Variants in TDRD1 observed in about 807,000 individuals in gnomAD.
TDRD1 encodes the protein tudor domain-containing protein 1.
TDRD1 carries 37 observed loss-of-function variants against 140.6 expected under a neutral mutation model. The ratio of observed to expected loss-of-function variants is 0.26; its 90% CI spans 0.20 to 0.35. The LOEUF (loss-of-function observed/expected upper bound fraction) is 0.35, where lower values mean the gene tolerates loss of function less well. TDRD1 is among the 10% of genes least tolerant of loss of function. The pLI, the probability that TDRD1 is intolerant of heterozygous loss-of-function variation, is 1.00. For missense variants in TDRD1, 1,243 were observed against 1,393.0 expected (o/e 0.89, Z 1.71); for synonymous variants, 506 against 475.7 (o/e 1.06, Z -0.83).
At chr10:114,207,804 G>A (rs1015416650) in intron 11 of TDRD1, among the ~76,000 whole-genome samples, 23 of 152,122 alleles carry the variant, frequency 1.5e-4, no homozygotes, top group Middle Eastern at 3.4e-3. Context: ...TGCTATGAAG[G>A]TATCCAGTGG....
intron 9 of TDRD1, 88 bp from the exon 10 acceptor site, chr10:114,204,634 A>C: frequency 2.3e-6 from 3 of 1,319,978 alleles, no homozygotes; most frequent in Non-Finnish European, 3.1e-6. Context: ...AGTTTTCAGC[A>C]TGAAATACAT....
rs374929939 is a variant in TDRD1, at chr10:114,188,558, C to T, written c.325+402C>T. 5.9e-5 allele frequency among the ~76,000 whole-genome samples: 9 copies of T among 152,158 alleles called. No individual in the cohort carries two copies. In the East Asian group the frequency reaches 1.5e-3, roughly 26 times the overall value. ...TTTATTTTATCATTCCTTTAGTTCC[C>T]GTTCTAAAAACCTCTCTTGGCTGGG... On this transcript the variant is annotated intron_variant, in intron 2 of 25. Coordinates refer to ENST00000251864, the Ensembl canonical transcript of TDRD1.
intron 17 of TDRD1, among the ~76,000 whole-genome samples, chr10:114,218,135 C>T (rs1056875982): frequency 2.0e-5 from 3 of 152,102 alleles, no homozygotes; most frequent in Non-Finnish European, 4.4e-5. Context: ...TTATCTTCAC[C>T]TTCACATTCT....
Position 114,191,030 on chromosome 10 carries a change from T to A in TDRD1, c.384+11T>A. 4 of 1,613,202 alleles carry A rather than the reference T, an allele frequency of 2.5e-6. No individual in the cohort carries two copies. In the South Asian group the frequency reaches 3.3e-5, roughly 13 times the overall value. On this transcript the variant is annotated intron_variant, in intron 3 of 25. Transcript: ENST00000251864. ...AAAGAAGTGAATATTGTAAGTTATT[T>A]TATTGTGTGTGTGCTTGTTTGGGTA...
At chr10:114,199,013 A>G (rs374415844) in intron 3 of TDRD1, among the ~76,000 whole-genome samples, 160 bp from the exon 4 acceptor site, 1 of 152,240 alleles carries the variant, frequency 6.6e-6, no homozygotes, top group East Asian at 1.9e-4. Context: ...GAGTCACCGT[A>G]TGTTTGTTTT....
intron 1 of TDRD1, among the ~76,000 whole-genome samples, chr10:114,182,024 C>A (rs557814616): frequency 6.6e-6 from 1 of 152,138 alleles, no homozygotes; most frequent in African/African-American, 2.4e-5. Context: ...GGTGACTGAA[C>A]GTTTTATCTG....
In TDRD1 at chr10:114,199,329, G is replaced by T. The variant is rs1430186430; in HGVS notation, c.529+12G>T. ...CTGTGGCCTATTTGGTAAGCATATT[G>T]TTCTTGGGTGTCTGAATTCTTCTTC... On this transcript the variant is annotated intron_variant, in intron 4 of 25. Transcript: ENST00000251864. The T allele has an allele frequency of 1.9e-6, 3 of 1,572,198 alleles. No individual in the cohort carries two copies. Among genetic ancestry groups the T allele is most frequent in the Non-Finnish European group, 2.6e-6 (3 of 1,166,624 alleles).
chr10:114,190,720 T>C (rs562161659), intron 2 of TDRD1, among the ~76,000 whole-genome samples: 10 of 152,216 alleles, frequency 6.6e-5, no homozygotes, highest in Non-Finnish European at 1.3e-4. Flanking sequence ...ACTGCTGACC[T>C]CAAGTGATCC....
In TDRD1 at chr10:114,204,706, G is replaced by A; in HGVS notation, c.1126-16G>A. The A allele has an allele frequency of 6.4e-7, 1 of 1,564,770 alleles. No individual in the cohort carries two copies. Among genetic ancestry groups the A allele is most frequent in the Non-Finnish European group, 8.6e-7 (1 of 1,165,626 alleles). ...AAATGGTAATTTTTGTAAGTAACCT[G>A]CGTAAAATTTTTCAGGCCATAAAGT... is the stretch of plus-strand genomic sequence containing the variant. On this transcript the variant is annotated splice_polypyrimidine_tract_variant and intron_variant, in intron 9 of 25. Transcript: ENST00000251864.
chr10:114,198,430 G>T (rs117858700), intron 3 of TDRD1, among the ~76,000 whole-genome samples: 1 of 152,090 alleles, frequency 6.6e-6, no homozygotes, highest in Non-Finnish European at 1.5e-5. Flanking sequence ...CACCCTATTC[G>T]CTTGGCCTTC....
intron 20 of TDRD1, among the ~76,000 whole-genome samples, chr10:114,221,932 T>C (rs2036169450): frequency 6.6e-6 from 1 of 152,254 alleles, no homozygotes. Flanking sequence ...TGTTGTTTCA[T>C]GGAAGTTGCA....
chr10:114,184,706 A>G (rs1194385329), intron 1 of TDRD1, among the ~76,000 whole-genome samples: 1 of 152,176 alleles, frequency 6.6e-6, no homozygotes, highest in Admixed American at 6.5e-5. Context: ...CATCTTTGTG[A>G]TAGTATTTCC....
Position 114,201,479 on chromosome 10 carries a change from C to T in TDRD1, c.599C>T (p.Ser200Phe), listed in dbSNP as rs1390381588. The T allele has an allele frequency of 5.0e-6, 8 of 1,613,960 alleles. No homozygotes were observed. The South Asian group carries it at 7.7e-5, about 16-fold the overall frequency. Reference sequence around the variant, plus strand: ...ACAGCATGTCAAAGAAGAGACTGGTCTGCACACAGCATCGTGTGCAGGCCT... The same window carrying T: ...ACAGCATGTCAAAGAAGAGACTGGTTTGCACACAGCATCGTGTGCAGGCCT... Residue 200 changes from serine to phenylalanine, a missense_variant, in exon 5 of 26, where the codon TCT (serine) becomes TTT (phenylalanine). By Grantham distance (155) the Ser-to-Phe change is radical. Coordinates refer to ENST00000251864, the Ensembl canonical transcript of TDRD1.
At chr10:114,196,833 CTTTTTTTTTT>C (rs36124319) in intron 3 of TDRD1, among the ~76,000 whole-genome samples, 24 of 48,348 alleles carry the variant, frequency 5.0e-4, no homozygotes, top group East Asian at 2.1e-3. Flanking sequence ...TTCTAGCAGT[CTTTTTTTTTT>C]TTTTTTTTTT....
chr10:114,190,965 C>T lies in TDRD1; in HGVS notation c.330C>T (p.Asn110=), dbSNP rs2861766. Residue 110 remains asparagine, a synonymous_variant, in exon 3 of 26, where the codon AAC becomes AAT. Coordinates refer to ENST00000251864, the Ensembl canonical transcript of TDRD1. ...AATTGTGTTTTTCCTCCCCAGGAAA[C>T]TCAGTGTCACCACCAAGTGCTGAAA... 1.4e-3 allele frequency: 2,209 copies of T among 1,613,938 alleles called. 31 individuals are homozygous for T. The African/African-American group carries it at 0.025, about 18-fold the overall frequency.
intron 11 of TDRD1, among the ~76,000 whole-genome samples, chr10:114,207,603 C>T (rs2035209664): frequency 6.6e-6 from 1 of 151,906 alleles, no homozygotes; most frequent in Non-Finnish European, 1.5e-5. Context: ...AAACAGAGGT[C>T]TAGTGGTAGT....
intron 19 of TDRD1, 100 bp from the exon 20 acceptor site, chr10:114,221,257 A>G (rs957411512): frequency 3.5e-6 from 4 of 1,144,192 alleles, no homozygotes; most frequent in Non-Finnish European, 5.1e-6. Context: ...AATGTTGATA[A>G]TCATTTCATG....
At chr10:114,184,575 CTG>C (rs2033369452) in intron 1 of TDRD1, among the ~76,000 whole-genome samples, 1 of 152,218 alleles carries the variant, frequency 6.6e-6, no homozygotes, top group Admixed American at 6.5e-5. Flanking sequence ...CAGGAGAACT[CTG>C]TGGCCAGTAG....
exon 25 of TDRD1, chr10:114,228,099 T>G: frequency 6.2e-7 from 1 of 1,601,048 alleles, no homozygotes; most frequent in Non-Finnish European, 8.5e-7. Context: ...CAAAATAAAT[T>G]TATTGAAATG....
Sources: gnomAD v4.1 joint callset for allele counts (sites outside exome capture counted in the v4.1 genomes callset) on GRCh38, gnomAD v4.1.1 for gene constraint, MANE v1.5 for transcripts, NCBI Gene and HGNC (gene_info 2026-07-23, HGNC 2026-07-21) for gene names.